The following ATXN1 variants were observed in gnomAD, a reference collection of about 807,000 sequenced individuals.
ATXN1 encodes ataxin 1, also known as ataxin-1.
A neutral mutation model predicts 56.4 loss-of-function variants in ATXN1; 8 were observed. That is an observed-to-expected ratio of 0.14 (90% CI 0.08 to 0.26). The LOEUF (loss-of-function observed/expected upper bound fraction) is 0.26, where lower values mean the gene tolerates loss of function less well. Among genes scored for constraint, ATXN1 ranks in the 10% least tolerant of loss-of-function variants. ATXN1 has a pLI of 1.00. For synonymous variants in ATXN1, 514 were observed against 494.6 expected (o/e 1.04, Z -0.52); for missense variants, 987 against 1,106.5 (o/e 0.89, Z 1.53).
chr6:16,408,095 G>A (rs1011673243), intron 6 of ATXN1, among the ~76,000 whole-genome samples: 2 of 152,132 alleles, frequency 1.3e-5, no homozygotes, highest in African/African-American at 4.8e-5. Context: ...TTGGGGAGGG[G>A]TGCAGGAAGA....
chr6:16,640,412 G>A (rs1015680201), intron 3 of ATXN1, among the ~76,000 whole-genome samples: 3 of 152,202 alleles, frequency 2.0e-5, no homozygotes, highest in East Asian at 3.9e-4. Flanking sequence ...GGCCAGGCAC[G>A]GGGGCTCACG....
intron 7 of ATXN1, among the ~76,000 whole-genome samples, chr6:16,307,184 C>A (rs1760271032): frequency 6.6e-6 from 1 of 152,230 alleles, no homozygotes; most frequent in South Asian, 2.1e-4. Context: ...AATGACAGAG[C>A]ACCCACTTAG....
intron 6 of ATXN1, among the ~76,000 whole-genome samples, chr6:16,426,099 C>T (rs554170002): frequency 2.5e-4 from 38 of 152,226 alleles, no homozygotes; most frequent in African/African-American, 7.2e-4. Flanking sequence ...GGCATTCATC[C>T]GCTATTTCAC....
At chr6:16,463,613 G>A (rs138936448) in intron 6 of ATXN1, among the ~76,000 whole-genome samples, 1 of 152,308 alleles carries the variant, frequency 6.6e-6, no homozygotes, top group African/African-American at 2.4e-5. Context: ...CCTCACTGCT[G>A]AGAAAGGAAG....
chr6:16,588,633 A>G (rs1436518640), intron 3 of ATXN1, among the ~76,000 whole-genome samples: 1 of 152,160 alleles, frequency 6.6e-6, no homozygotes, highest in Non-Finnish European at 1.5e-5. Context: ...TGATTCATTG[A>G]TTAATGCTTG....
intron 6 of ATXN1, among the ~76,000 whole-genome samples, chr6:16,438,050 A>G (rs1424401851): frequency 6.6e-6 from 1 of 152,220 alleles, no homozygotes; most frequent in Admixed American, 6.5e-5. Context: ...CAGGCATTAG[A>G]TTCTCATAAG....
intron 6 of ATXN1, among the ~76,000 whole-genome samples, chr6:16,478,861 C>A (rs138899972): frequency 1.6e-3 from 251 of 152,214 alleles, no homozygotes; most frequent in African/African-American, 5.9e-3. Context: ...CAAAGGAAGG[C>A]TGGTGAGGAT....
At chr6:16,428,990 C>T (rs1165895725) in intron 6 of ATXN1, among the ~76,000 whole-genome samples, 1 of 150,950 alleles carries the variant, frequency 6.6e-6, no homozygotes, top group Non-Finnish European at 1.5e-5. Flanking sequence ...ATTAGAATTA[C>T]AATGTGAAGT....
At chr6:16,759,583 C>T (rs1325567145) in intron 1 of ATXN1, among the ~76,000 whole-genome samples, 1 of 114,036 alleles carries the variant, frequency 8.8e-6, no homozygotes, top group African/African-American at 3.5e-5. Context: ...TCAGCAATTT[C>T]CCTCTTCTCA....
chr6:16,346,489 G>T (rs1160381626), intron 6 of ATXN1, among the ~76,000 whole-genome samples: 2 of 152,196 alleles, frequency 1.3e-5, no homozygotes, highest in African/African-American at 4.8e-5. Context: ...AGACTAAAGA[G>T]AAGAAACACC....
chr6:16,628,644 G>A (rs1763449413), intron 3 of ATXN1, among the ~76,000 whole-genome samples: 1 of 152,098 alleles, frequency 6.6e-6, no homozygotes, highest in Non-Finnish European at 1.5e-5. Context: ...AGGACCCAGT[G>A]TCTGCTGTTC....
At chr6:16,750,579 T>C (rs977741152) in intron 2 of ATXN1, among the ~76,000 whole-genome samples, 1 of 152,364 alleles carries the variant, frequency 6.6e-6, no homozygotes, top group East Asian at 1.9e-4. Flanking sequence ...AATGCAATCA[T>C]AGAAAATGTC....
chr6:16,666,886 C>T (rs954453987), intron 2 of ATXN1: 3 of 152,036 alleles, frequency 2.0e-5, no homozygotes, highest in African/African-American at 7.3e-5. Flanking sequence ...AAGGAATAAA[C>T]TTTTAAAGTA....
intron 2 of ATXN1, among the ~76,000 whole-genome samples, chr6:16,742,074 T>C (rs188618349): frequency 1.3e-5 from 2 of 152,296 alleles, no homozygotes; most frequent in East Asian, 3.9e-4. Context: ...CAAAGTTGTA[T>C]GGAAAGAGAT....
At chr6:16,638,244 G>A (rs1288297303) in intron 3 of ATXN1, among the ~76,000 whole-genome samples, 1 of 151,510 alleles carries the variant, frequency 6.6e-6, no homozygotes, top group Non-Finnish European at 1.5e-5. Flanking sequence ...AGGAGTTCAA[G>A]ACAAAACTGG....
At chr6:16,689,319 A>T (rs1758991163) in intron 2 of ATXN1, among the ~76,000 whole-genome samples, 1 of 151,436 alleles carries the variant, frequency 6.6e-6, no homozygotes, top group African/African-American at 2.4e-5. Context: ...TATTGTTGTA[A>T]GTTTTTACTT....
Position 16,305,609 on chromosome 6 carries a change from C to A in ATXN1, c.*720G>T, listed in dbSNP as rs543843264. On this transcript the variant is annotated 3_prime_UTR_variant, in exon 8 of 8. Transcript: ENST00000436367. ...ACTAGTAAAAAGCAGAAATGAAATC[C>A]CGCATGTGGCAGTTGCTCTTTAAAA... 3.3e-5 allele frequency: 5 copies of A among 152,758 alleles called. No individual in the cohort carries two copies. The highest frequency in any genetic ancestry group is 1.3e-4 in the Admixed American group (2 of 15,306). The allele number at this position is 152,758 out of a possible 1,614,324, so 9.5% of individuals were successfully genotyped here. A position where few individuals can be genotyped will look rare whatever the true frequency, so the allele number is the denominator to read the frequency against.
intron 6 of ATXN1, among the ~76,000 whole-genome samples, chr6:16,450,212 AC>A (rs1484559391): frequency 6.6e-6 from 1 of 152,260 alleles, no homozygotes; most frequent in Non-Finnish European, 1.5e-5. Context: ...GCAAAAGTTT[AC>A]AAAAACCGGT....
At chr6:16,734,695 T>C (rs1760072417) in intron 2 of ATXN1, among the ~76,000 whole-genome samples, 1 of 152,146 alleles carries the variant, frequency 6.6e-6, no homozygotes, top group Non-Finnish European at 1.5e-5. Context: ...GATTTTACCA[T>C]GTTGGTCAGG....
Sources: allele counts gnomAD v4.1 joint callset (sites outside exome capture counted in the v4.1 genomes callset), GRCh38; gene constraint gnomAD v4.1.1; transcripts MANE v1.5; gene names NCBI Gene and HGNC (gene_info 2026-07-23, HGNC 2026-07-21).